MAGI3: variants seen among roughly 807,000 people sequenced by gnomAD.
MAGI3 encodes membrane-associated guanylate kinase, WW and PDZ domain-containing protein 3.
A neutral mutation model predicts 121.8 loss-of-function variants in MAGI3; 43 were observed. The ratio of observed to expected loss-of-function variants is 0.35; its 90% CI spans 0.28 to 0.46. The LOEUF (loss-of-function observed/expected upper bound fraction) is 0.46, where lower values mean the gene tolerates loss of function less well. Ranked by LOEUF, MAGI3 falls within the 20% of genes least tolerant of loss-of-function variation. The pLI is 1.00. For missense variants in MAGI3, 1,547 were observed against 1,797.3 expected (o/e 0.86, Z 2.52); for synonymous variants, 553 against 639.3 (o/e 0.86, Z 2.04).
intron 1 of MAGI3, among the ~76,000 whole-genome samples, chr1:113,437,536 T>C (rs1653630324): frequency 6.6e-6 from 1 of 152,164 alleles, no homozygotes; most frequent in Non-Finnish European, 1.5e-5. Flanking sequence ...TACTTAATAA[T>C]TTTTCATTCA....
chr1:113,641,759 A>C, intron 9 of MAGI3, 152 bp from the exon 10 acceptor site: 1 of 568,402 alleles, frequency 1.8e-6, no homozygotes, highest in Non-Finnish European at 2.9e-6. Flanking sequence ...AAAAGGGAGA[A>C]GGTCTGTGTT....
At chr1:113,512,070 G>A (rs1167971932) in intron 1 of MAGI3, among the ~76,000 whole-genome samples, 2 of 152,040 alleles carry the variant, frequency 1.3e-5, no homozygotes, top group East Asian at 1.9e-4. Context: ...ATTTGAAAAC[G>A]TTCAAATGCC....
chr1:113,586,514 C>T (rs1648375530), intron 4 of MAGI3, among the ~76,000 whole-genome samples: 1 of 152,100 alleles, frequency 6.6e-6, no homozygotes, highest in South Asian at 2.1e-4. Context: ...TTTTATAGTC[C>T]TATCTTTCAC....
chr1:113,603,267 A>C (rs1052676870), intron 6 of MAGI3, among the ~76,000 whole-genome samples: 1 of 152,292 alleles, frequency 6.6e-6, no homozygotes, highest in Middle Eastern at 3.4e-3. Context: ...ATGGAAACAT[A>C]CAACCCTCCT....
Position 113,430,705 on chromosome 1 carries a change from T to A in MAGI3, c.316+39356T>A, listed in dbSNP as rs1057362730. Among the ~76,000 whole-genome samples the A allele has an allele frequency of 4.6e-4, 70 of 152,338 alleles. 2 individuals carry two copies. Among genetic ancestry groups the A allele is most frequent in the African/African-American group, 1.5e-3 (61 of 41,590 alleles). On this transcript the variant is annotated intron_variant, in intron 1 of 20. Transcript: ENST00000307546. ...TTGTTCTAATAGAAGTATCTCTACA[T>A]TTAAATGTCTTTGATTTCTTCATCA...
At chr1:113,577,614 G>T (rs1396391503) in intron 2 of MAGI3, among the ~76,000 whole-genome samples, 1 of 152,004 alleles carries the variant, frequency 6.6e-6, no homozygotes, top group Non-Finnish European at 1.5e-5. Flanking sequence ...TGGTTTTGTG[G>T]GGGGAGTGAA....
chr1:113,430,020 T>G (rs1472627582), intron 1 of MAGI3, among the ~76,000 whole-genome samples: 2 of 152,152 alleles, frequency 1.3e-5, no homozygotes, highest in African/African-American at 4.8e-5. Flanking sequence ...ACACTGCCAT[T>G]CCTTTATCTG....
chr1:113,492,632 G>A (rs1296226719), intron 1 of MAGI3, among the ~76,000 whole-genome samples: 1 of 152,048 alleles, frequency 6.6e-6, no homozygotes, highest in South Asian at 2.1e-4. Flanking sequence ...TGACATAATC[G>A]TATACCTAGA....
At chr1:113,505,512 T>TAATAAATAAATA (rs58511819) in intron 1 of MAGI3, among the ~76,000 whole-genome samples, 18,613 of 135,390 alleles carry the variant, frequency 0.14, 1,392 homozygotes, top group South Asian at 0.19. Flanking sequence ...GGTCCCTACA[T>TAATAAATAAATA]AATAAATAAA....
chr1:113,620,615 G>A (rs1185136625), intron 8 of MAGI3, among the ~76,000 whole-genome samples: 1 of 152,188 alleles, frequency 6.6e-6, no homozygotes, highest in Non-Finnish European at 1.5e-5. Context: ...ATACTTTTGA[G>A]CACTGACTAT....
intron 1 of MAGI3, among the ~76,000 whole-genome samples, chr1:113,508,156 C>T (rs1402625066): frequency 6.6e-6 from 1 of 152,156 alleles, no homozygotes; most frequent in African/African-American, 2.4e-5. Context: ...CAAGTCTCAA[C>T]TCTTGTTTGC....
intron 6 of MAGI3, among the ~76,000 whole-genome samples, chr1:113,598,964 T>A (rs1189547045): frequency 1.3e-5 from 2 of 152,194 alleles, no homozygotes; most frequent in African/African-American, 4.8e-5. Flanking sequence ...TCAAAATCTT[T>A]TGTGGGCATT....
intron 1 of MAGI3, among the ~76,000 whole-genome samples, chr1:113,483,905 G>A (rs1570742300): frequency 6.6e-6 from 1 of 152,268 alleles, no homozygotes; most frequent in South Asian, 2.1e-4. Context: ...GTGTGTGTGT[G>A]TGTGTGTGTG....
intron 1 of MAGI3, among the ~76,000 whole-genome samples, chr1:113,432,710 A>T (rs975767065): frequency 6.6e-6 from 1 of 152,046 alleles, no homozygotes; most frequent in South Asian, 2.1e-4. Flanking sequence ...TTAAAGAGTT[A>T]TTTATCAGGA....
intron 2 of MAGI3, among the ~76,000 whole-genome samples, chr1:113,553,811 C>T (rs965997102): frequency 2.6e-5 from 4 of 152,236 alleles, no homozygotes; most frequent in Non-Finnish European, 4.4e-5. Context: ...GAGATTGAGA[C>T]TATCCTGGCC....
chr1:113,579,420 G>A lies in MAGI3; in HGVS notation c.434-1122G>A, dbSNP rs181279255. Reference sequence around the variant, plus strand: ...TATATGTAGTATACTAAAGCCTAATGTGAAAGGAATGAGGCAAGAAAGAAT... The same window carrying A: ...TATATGTAGTATACTAAAGCCTAATATGAAAGGAATGAGGCAAGAAAGAAT... On this transcript the variant is annotated intron_variant, in intron 2 of 20. Coordinates refer to ENST00000307546, the MANE Select transcript of MAGI3 (RefSeq NM_001142782.2). Among the ~76,000 whole-genome samples the A allele has an allele frequency of 2.6e-5, 4 of 152,286 alleles. No individual in the cohort carries two copies. The East Asian group carries it at 7.7e-4, about 29-fold the overall frequency.
At chr1:113,548,958 C>T (rs1221023225) in intron 1 of MAGI3, among the ~76,000 whole-genome samples, 4 of 152,144 alleles carry the variant, frequency 2.6e-5, no homozygotes, top group Non-Finnish European at 5.9e-5. Context: ...AAGGAGAAAT[C>T]AAGGATGACT....
At chr1:113,451,564 C>G (rs1188966526) in intron 1 of MAGI3, among the ~76,000 whole-genome samples, 1 of 152,176 alleles carries the variant, frequency 6.6e-6, no homozygotes, top group African/African-American at 2.4e-5. Context: ...AAGATCATTG[C>G]TGGAACAATG....
chr1:113,417,895 G>T (rs1309272209), intron 1 of MAGI3, among the ~76,000 whole-genome samples: 1 of 152,032 alleles, frequency 6.6e-6, no homozygotes, highest in African/African-American at 2.4e-5. Flanking sequence ...AAATACTTTA[G>T]AATAATATTA....
Sources: gnomAD v4.1 joint callset for allele counts (sites outside exome capture counted in the v4.1 genomes callset) on GRCh38, gnomAD v4.1.1 for gene constraint, MANE v1.5 for transcripts, NCBI Gene and HGNC (gene_info 2026-07-23, HGNC 2026-07-21) for gene names.